The following HADHB variants were observed in gnomAD, a reference collection of about 807,000 sequenced individuals.
The protein encoded by HADHB is hydroxyacyl-CoA dehydrogenase trifunctional multienzyme complex subunit beta, also known as trifunctional enzyme subunit beta, mitochondrial.
HADHB carries 50 observed loss-of-function variants against 61.9 expected under a neutral mutation model. The observed-to-expected ratio is 0.81, with a 90% CI of 0.64 to 1.02. The LOEUF is 1.02. Ranked by LOEUF, HADHB falls within the 50% of genes least tolerant of loss-of-function variation. HADHB has a pLI of 0.00. For missense variants in HADHB, 504 were observed against 586.5 expected, an observed-to-expected ratio of 0.86 and a Z score of 1.45; for synonymous variants, 191 against 201.6, an observed-to-expected ratio of 0.95 and a Z score of 0.45.
Position 26,285,464 on chromosome 2 carries a change from C to T in HADHB, c.1282C>T (p.His428Tyr). The stretch of plus-strand genomic sequence containing the variant: ...CTGGGGTGGATCTCTGTCCCTGGGA[C>T]ACCCATTTGGAGCCACTGGCTGCAG... The part of the protein sequence containing the change: ...NNWGGSLSLG[H>Y]PFGATGCRLV... Residue 428 changes from histidine to tyrosine, a missense_variant, in exon 15 of 16, where the codon CAC (histidine) becomes TAC (tyrosine). Coordinates refer to ENST00000317799, the MANE Select transcript of HADHB (RefSeq NM_000183.3). 6.2e-7 allele frequency: 1 copy of T among 1,613,646 alleles called. No homozygotes were observed. Among genetic ancestry groups the T allele is most frequent in the Non-Finnish European group, 8.5e-7 (1 of 1,179,694 alleles).
intron 1 of HADHB, among the ~76,000 whole-genome samples, chr2:26,247,742 G>A (rs373096052): frequency 6.6e-6 from 1 of 152,078 alleles, no homozygotes; most frequent in Non-Finnish European, 1.5e-5. Flanking sequence ...CATTGCATTC[G>A]GTATTGTAAG....
At chr2:26,278,875 C>A in intron 8 of HADHB, 74 bp downstream of exon 8, 1 of 1,211,830 alleles carries the variant, frequency 8.3e-7, no homozygotes, top group Non-Finnish European at 1.2e-6. Context: ...CTCTGCTATG[C>A]TGTAATAGGT....
chr2:26,281,680 C>A (rs1284227138), intron 10 of HADHB, among the ~76,000 whole-genome samples: 1 of 152,156 alleles, frequency 6.6e-6, no homozygotes, highest in African/African-American at 2.4e-5. Flanking sequence ...ACATTCATTG[C>A]AATTTTGCAC....
Position 26,284,192 on chromosome 2 carries a change from T to C in HADHB, c.1137T>C (p.His379=), listed in dbSNP as rs1329021655. 2 of 1,557,160 alleles carry C rather than the reference T, an allele frequency of 1.3e-6. No individual in the cohort carries two copies. Among genetic ancestry groups the C allele is most frequent in the African/African-American group, 1.4e-5 (1 of 73,838 alleles). The change falls in exon 13 of 16, where the codon CAT becomes CAC. Residue 379 remains histidine (H), a synonymous_variant. Transcript: ENST00000317799. The stretch of plus-strand genomic sequence containing the variant: ...ATGATATTGATGCTTTTGAATTTCA[T>C]GAAGCTTTCTCGGTAAGTAATTTGA... The part of the protein sequence containing the change: ...TMNDIDAFEF[H]EAFSGQILAN...
Position 26,290,144 on chromosome 2 carries a change from C to G in HADHB, c.*191C>G, listed in dbSNP as rs1673211422. The G allele has an allele frequency of 3.2e-6, 2 of 617,788 alleles. No homozygotes were observed. The highest frequency in any genetic ancestry group is 1.9e-5 in the South Asian group (1 of 53,486). 38.3% of individuals were successfully genotyped at this position (617,788 alleles called of 1,614,324 possible). ...GCTTTTCAATAATCAGTTTACTGCT[C>G]TTTCAGGGATTTCTAAGCCACCAGA... is the stretch of plus-strand genomic sequence containing the variant. On this transcript the variant is annotated 3_prime_UTR_variant, in exon 16 of 16. Coordinates refer to ENST00000317799, the MANE Select transcript of HADHB (RefSeq NM_000183.3).
intron 3 of HADHB, among the ~76,000 whole-genome samples, chr2:26,259,498 A>G (rs1476158588): frequency 6.6e-6 from 1 of 151,668 alleles, no homozygotes; most frequent in Non-Finnish European, 1.5e-5. Flanking sequence ...GTTCCCCTAC[A>G]CTCCCTTGTA....
In HADHB at chr2:26,282,578, T is replaced by C. The variant is rs187126778; in HGVS notation, c.934-267T>C. Among the ~76,000 whole-genome samples, 475 of 152,318 alleles carry C rather than the reference T, an allele frequency of 3.1e-3. 1 individual carries two copies. The highest frequency in any genetic ancestry group is 0.011 in the African/African-American group (467 of 41,570). On this transcript the variant is annotated intron_variant, in intron 10 of 15. Transcript: ENST00000317799. ...CACCACGCTTGGCCATGAGCATTTA[T>C]TTCTAAAGTTACCTCTTCTGTTGAT...
intron 9 of HADHB, among the ~76,000 whole-genome samples, chr2:26,279,763 TAAGAAAATAGGG>T (rs1672707446): frequency 6.6e-6 from 1 of 152,198 alleles, no homozygotes; most frequent in African/African-American, 2.4e-5. Flanking sequence ...ATGAATGTCT[TAAGAAAATAGGG>T]TGTCCTATTT....
chr2:26,275,610 C>T (rs1419200007), intron 6 of HADHB, among the ~76,000 whole-genome samples: 2 of 152,286 alleles, frequency 1.3e-5, no homozygotes, highest in East Asian at 3.9e-4. Flanking sequence ...AGAGCTCTTC[C>T]CTCCTGCCCC....
chr2:26,257,380 A>G (rs1000485142), intron 3 of HADHB, among the ~76,000 whole-genome samples: 2 of 150,774 alleles, frequency 1.3e-5, no homozygotes, highest in Non-Finnish European at 3.0e-5. Context: ...TCGGCCTCCC[A>G]AAGTGCTGGG....
Position 26,280,120 on chromosome 2 carries a change from C to T in HADHB, c.933+5C>T. ...GCTGCAAATTCTTCTTTCTTGGTAA[C>T]TGTCAATGTTATTTGTATTTAGTAG... On this transcript the variant is annotated splice_donor_5th_base_variant and intron_variant, in intron 10 of 15. Transcript: ENST00000317799. The T allele has an allele frequency of 6.2e-7, 1 of 1,608,946 alleles. No homozygotes were observed. The highest frequency in any genetic ancestry group is 8.5e-7 in the Non-Finnish European group (1 of 1,175,346).
intron 12 of HADHB, among the ~76,000 whole-genome samples, chr2:26,283,358 A>G (rs1225053977): frequency 6.6e-6 from 1 of 152,090 alleles, no homozygotes; most frequent in Non-Finnish European, 1.5e-5. Context: ...CCCTATCTCT[A>G]CTAAAAATAC....
Position 26,258,419 on chromosome 2 carries a change from C to T in HADHB, c.109+3945C>T, listed in dbSNP as rs111600786. ...GAGAATCGTGGAACCCAGCGACTAG[C>T]GTTGAGCTCGATTAGGACGAACCTG... is the stretch of plus-strand genomic sequence containing the variant. On this transcript the variant is annotated intron_variant, in intron 3 of 15. Coordinates refer to ENST00000317799, the MANE Select transcript of HADHB (RefSeq NM_000183.3). 6.3e-3 allele frequency among the ~76,000 whole-genome samples: 961 copies of T among 152,322 alleles called. 8 individuals are homozygous for T. The highest frequency in any genetic ancestry group is 0.022 in the African/African-American group (897 of 41,572).
chr2:26,249,135 C>A (rs1181471868), intron 1 of HADHB, among the ~76,000 whole-genome samples: 1 of 151,944 alleles, frequency 6.6e-6, no homozygotes, highest in African/African-American at 2.4e-5. Context: ...ATTTTAATTT[C>A]TTCTGTGAAT....
intron 4 of HADHB, among the ~76,000 whole-genome samples, chr2:26,264,989 C>CAA (rs79294625): frequency 7.0e-5 from 7 of 100,118 alleles, no homozygotes; most frequent in African/African-American, 2.6e-4. Context: ...GACCCTGTTT[C>CAA]AAAAAAAAAA....
intron 4 of HADHB, 22 bp downstream of exon 4, chr2:26,263,501 TA>T (rs762260188): frequency 1.4e-6 from 2 of 1,428,736 alleles, no homozygotes; most frequent in East Asian, 2.3e-5. Flanking sequence ...ATGATCATAT[TA>T]TTTTTTTCCT....
chr2:26,253,723 C>T (rs561161423), intron 1 of HADHB, among the ~76,000 whole-genome samples: 39 of 151,828 alleles, frequency 2.6e-4, no homozygotes, highest in African/African-American at 8.0e-4. Flanking sequence ...TGTGGTGGCA[C>T]GTGCCTGTAA....
chr2:26,277,258 C>T, intron 7 of HADHB, 98 bp downstream of exon 7: 1 of 553,938 alleles, frequency 1.8e-6, no homozygotes. Context: ...TTTTTTTTAA[C>T]ACAGAACCTC....
intron 4 of HADHB, among the ~76,000 whole-genome samples, chr2:26,266,563 G>A (rs1430209211): frequency 6.6e-6 from 1 of 152,132 alleles, no homozygotes. Context: ...AGAGGAGTGT[G>A]AGAGTATGAG....
Sources: allele counts gnomAD v4.1 joint callset (sites outside exome capture counted in the v4.1 genomes callset), GRCh38; gene constraint gnomAD v4.1.1; transcripts MANE v1.5; gene names NCBI Gene and HGNC (gene_info 2026-07-23, HGNC 2026-07-21).